The following ESYT3 variants were observed in gnomAD, a reference collection of about 807,000 sequenced individuals.
The protein encoded by ESYT3 is extended synaptotagmin 3.
In ESYT3, 101 loss-of-function variants were observed where a neutral mutation model predicts 111.5. That is an observed-to-expected ratio of 0.91 (90% CI 0.77 to 1.07). The LOEUF (loss-of-function observed/expected upper bound fraction) is 1.07. ESYT3 is among the 50% of genes least tolerant of loss of function. The pLI, the probability that ESYT3 is intolerant of heterozygous loss-of-function variation, is 0.00. For synonymous variants in ESYT3, 416 were observed against 446.8 expected (o/e 0.93, Z 0.87); for missense variants, 1,097 against 1,109.4 (o/e 0.99, Z 0.16).
chr3:138,474,081 C>A, intron 19 of ESYT3, 140 bp from the exon 20 acceptor site: 1 of 1,108,078 alleles, frequency 9.0e-7, no homozygotes, highest in Non-Finnish European at 1.3e-6. Context: ...TTAAGCGTAT[C>A]TAATGCTGAA....
intron 1 of ESYT3, among the ~76,000 whole-genome samples, chr3:138,438,151 A>T (rs114422227): frequency 2.0e-5 from 3 of 152,224 alleles, no homozygotes; most frequent in Non-Finnish European, 2.9e-5. Flanking sequence ...GGATCTCTTC[A>T]TCATCACATG....
Position 138,476,244 on chromosome 3 carries a change from GGAA to G in ESYT3, c.2495_2497del (p.Glu832del). Reference sequence around the variant, plus strand: ...AAAGATTTGAATTTTTTGTTCCCATGGAAGAAGTAAAGAAGAGGTCACTAGATG... The same window carrying G: ...AAAGATTTGAATTTTTTGTTCCCATGGAAGTAAAGAAGAGGTCACTAGATG... On this transcript the variant is annotated inframe_deletion, in exon 21 of 23. Coordinates refer to ENST00000389567, the MANE Select transcript of ESYT3 (RefSeq NM_031913.5). 1 of 1,612,934 alleles carries G rather than the reference GGAA, an allele frequency of 6.2e-7. No individual in the cohort carries two copies. The highest frequency in any genetic ancestry group is 8.5e-7 in the Non-Finnish European group (1 of 1,179,180).
At position 138,457,638 on chromosome 3, in the gene ESYT3, A is replaced by C. The variant is rs774060506; in HGVS notation, c.575A>C (p.Gln192Pro). 6.8e-6 allele frequency: 11 copies of C among 1,614,034 alleles called. No homozygotes were observed. The highest frequency in any genetic ancestry group is 9.3e-6 in the Non-Finnish European group (11 of 1,180,034). Residue 192 changes from glutamine to proline, a missense_variant, in exon 4 of 23, where the codon CAG becomes CCG. By Grantham distance (76) the Gln-to-Pro change is moderately conservative. Transcript: ENST00000389567. ...CNRRRVTVDL[Q>P]ICYIGDCEIS... is the part of the protein sequence containing the mutation. ...CGAAGACGTGTGACTGTGGACCTGC[A>C]GATCTGGTGAGCTCTATCGGGCTGG... is the stretch of plus-strand genomic sequence containing the variant.
chr3:138,460,603 C>A lies in ESYT3; in HGVS notation c.739-8C>A. 6.2e-7 allele frequency: 1 copy of A among 1,614,020 alleles called. No individual in the cohort carries two copies. On this transcript the variant is annotated splice_region_variant and splice_polypyrimidine_tract_variant and intron_variant, in intron 6 of 22. Coordinates refer to ENST00000389567, the MANE Select transcript of ESYT3 (RefSeq NM_031913.5). The stretch of plus-strand genomic sequence containing the variant: ...TTCCAGCCTAATAGCTTCCCTCTGC[C>A]CCTGAAGCACCTACAGATCAACTGG...
In ESYT3 at chr3:138,476,459, C is replaced by CA; in HGVS notation, c.2595dup (p.Glu866ArgfsTer5). The CA allele has an allele frequency of 5.6e-6, 9 of 1,613,910 alleles. No individual in the cohort carries two copies. The highest frequency in any genetic ancestry group is 7.6e-6 in the Non-Finnish European group (9 of 1,179,944). Reference sequence around the variant, plus strand: ...ATTATTTAGGTACTGATTGACTTATCAAAAGAAGATCTGATTAAGGGCTTT... The same window carrying CA: ...ATTATTTAGGTACTGATTGACTTATCAAAAAGAAGATCTGATTAAGGGCTTT... On this transcript the variant is annotated frameshift_variant, in exon 22 of 23. Coordinates refer to ENST00000389567, the MANE Select transcript of ESYT3 (RefSeq NM_031913.5). LOFTEE classifies it high-confidence loss of function.
rs1474095223 is a variant in ESYT3, at chr3:138,435,824, A to G, written c.327+699A>G. ...TAACAAAACCCAAGTTCTGGGCCCC[A>G]TTGCATAACTCCCAGGGTGGCACAG... On this transcript the variant is annotated intron_variant, in intron 1 of 22. Transcript: ENST00000389567. This position sits in a 1 kb window ranked among gnomAD's most constrained non-coding sequence, Gnocchi z 4.8. 6.6e-6 allele frequency among the ~76,000 whole-genome samples: 1 copy of G among 152,166 alleles called. No individual in the cohort carries two copies. The highest frequency in any genetic ancestry group is 1.5e-5 in the Non-Finnish European group (1 of 68,006).
At chr3:138,455,154 T>TA (rs773775171) in intron 2 of ESYT3, 40 bp from the exon 3 acceptor site, 1 of 1,611,898 alleles carries the variant, frequency 6.2e-7, no homozygotes, top group South Asian at 1.1e-5. Context: ...GCAGTGGGGG[T>TA]ACAGACCTGA....
chr3:138,444,222 T>C (rs1002475846), intron 1 of ESYT3, among the ~76,000 whole-genome samples: 2 of 152,176 alleles, frequency 1.3e-5, no homozygotes, highest in Non-Finnish European at 2.9e-5. Flanking sequence ...ATGCGTCGGC[T>C]CAAGTACACT....
In ESYT3 at chr3:138,469,465, T is replaced by A. The variant is rs750830505; in HGVS notation, c.1464T>A (p.Tyr488Ter). 3.1e-6 allele frequency: 5 copies of A among 1,613,954 alleles called. No individual in the cohort carries two copies. The highest frequency in any genetic ancestry group is 4.2e-6 in the Non-Finnish European group (5 of 1,179,986). The change falls in exon 15 of 23, where the codon TAT (tyrosine) becomes TAA (stop). Residue 488 changes from tyrosine (Y) to a stop codon, truncating the protein, a stop_gained. Coordinates refer to ENST00000389567, the MANE Select transcript of ESYT3 (RefSeq NM_031913.5). LOFTEE classifies it high-confidence loss of function. ...RNKVSKDPSS[Y>*]VKLSVGKKTH... ...AGGTCAGCAAAGACCCTTCTTCCTA[T>A]GTCAAACTATCTGTAGGCAAGAAGA...
chr3:138,473,480 C>T lies in ESYT3; in HGVS notation c.2238-56C>T, dbSNP rs768034080. 110 of 1,476,832 alleles carry T rather than the reference C, an allele frequency of 7.4e-5. 1 individual carries two copies. The highest frequency in any genetic ancestry group is 3.5e-4 in the Admixed American group (21 of 59,170). The allele number at this position is 1,476,832 out of a possible 1,614,324, so 91.5% of individuals were successfully genotyped here. ...AATGCTTCTTTGTCTTTGGGGGTGGCGGAAGAGGGCCAATGCTTGTTATGG... is the reference window on the plus strand; with the variant it reads ...AATGCTTCTTTGTCTTTGGGGGTGGTGGAAGAGGGCCAATGCTTGTTATGG... On this transcript the variant is annotated intron_variant, in intron 18 of 22. Coordinates refer to ENST00000389567, the MANE Select transcript of ESYT3 (RefSeq NM_031913.5).
chr3:138,471,174 T>A, intron 17 of ESYT3, 148 bp downstream of exon 17: 2 of 657,420 alleles, frequency 3.0e-6, no homozygotes, highest in South Asian at 3.7e-5. Context: ...AAATACTGAA[T>A]GGGAGCAAGT....
intron 1 of ESYT3, 67 bp from the exon 2 acceptor site, chr3:138,451,981 T>G: frequency 6.4e-7 from 1 of 1,574,428 alleles, no homozygotes; most frequent in East Asian, 2.2e-5. Flanking sequence ...CCCGCCAGGC[T>G]GGCTTGCTTG....
intron 7 of ESYT3, 23 bp from the exon 8 acceptor site, chr3:138,462,063 A>AGCTGGT: frequency 3.1e-6 from 5 of 1,613,682 alleles, no homozygotes; most frequent in Non-Finnish European, 4.2e-6. Context: ...ACCCCTCCAC[A>AGCTGGT]GCTGGTCCTG....
At position 138,474,292 on chromosome 3, in the gene ESYT3, G is replaced by A. The variant is rs747344539; in HGVS notation, c.2408G>A (p.Trp803Ter). The stretch of plus-strand genomic sequence containing the variant: ...GTCTACTTGTTGCCAGAAAGGAAGT[G>A]GGCATGTCGTAAGAAGACTTCAGTG... ...VRVYLLPERK[W>*]ACRKKTSVKR... The change falls in exon 20 of 23, where the codon TGG (tryptophan) becomes TAG (stop). Residue 803 changes from tryptophan to a stop codon, truncating the protein, a stop_gained. Transcript: ENST00000389567. LOFTEE classifies it high-confidence loss of function. The A allele has an allele frequency of 6.2e-7, 1 of 1,611,158 alleles. No homozygotes were observed.
intron 1 of ESYT3, among the ~76,000 whole-genome samples, chr3:138,450,558 G>GTT (rs1462956213): frequency 6.6e-6 from 1 of 152,242 alleles, no homozygotes; most frequent in African/African-American, 2.4e-5. Flanking sequence ...CAGAGCAAGG[G>GTT]AAACTGAGGC....
At chr3:138,451,409 G>A (rs1330129154) in intron 1 of ESYT3, among the ~76,000 whole-genome samples, 2 of 152,224 alleles carry the variant, frequency 1.3e-5, no homozygotes, top group East Asian at 3.8e-4. Flanking sequence ...TTATCACTGG[G>A]TGGTAGAATT....
chr3:138,441,434 A>G (rs918090344), intron 1 of ESYT3, among the ~76,000 whole-genome samples: 3 of 151,586 alleles, frequency 2.0e-5, no homozygotes, highest in African/African-American at 7.3e-5. Flanking sequence ...GTGGGGAGAG[A>G]TGGTCACCGG....
At chr3:138,463,258 C>T (rs2032748503) in intron 8 of ESYT3, among the ~76,000 whole-genome samples, 1 of 152,068 alleles carries the variant, frequency 6.6e-6, no homozygotes, top group South Asian at 2.1e-4. Context: ...CCAAGCCTGG[C>T]TAATTTTTGT....
intron 20 of ESYT3, chr3:138,474,563 A>G (rs1389140677): frequency 4.4e-6 from 2 of 455,660 alleles, no homozygotes; most frequent in Non-Finnish European, 7.6e-6. Context: ...TTTACTGCTC[A>G]TAGAGGCTAA....
Sources: gnomAD v4.1 joint callset for allele counts (sites outside exome capture counted in the v4.1 genomes callset) on GRCh38, gnomAD v4.1.1 for gene constraint, Gnocchi (gnomAD v3.1) non-coding constraint, MANE v1.5 for transcripts, NCBI Gene and HGNC (gene_info 2026-07-23, HGNC 2026-07-21) for gene names.